The following IFT88 variants were observed in gnomAD, a reference collection of about 807,000 sequenced individuals.
IFT88 encodes the protein intraflagellar transport 88.
In IFT88, 74 loss-of-function variants were observed where a neutral mutation model predicts 119.5. The ratio of observed to expected loss-of-function variants is 0.62; its 90% CI spans 0.51 to 0.75. The LOEUF (loss-of-function observed/expected upper bound fraction) is 0.75, where lower values mean the gene tolerates loss of function less well. IFT88 is among the 30% of genes least tolerant of loss of function. IFT88 has a pLI of 0.00. For synonymous variants in IFT88, 279 were observed against 316.7 expected (o/e 0.88, Z 1.26); for missense variants, 961 against 977.7 (o/e 0.98, Z 0.23).
At chr13:20,664,947 A>G (rs189756302) in intron 23 of IFT88, among the ~76,000 whole-genome samples, 1 of 151,680 alleles carries the variant, frequency 6.6e-6, no homozygotes, top group African/African-American at 2.4e-5. Flanking sequence ...GGCGTGGTGG[A>G]GGGCACCTGT....
chr13:20,691,147 A>T lies in IFT88; in HGVS notation c.2447A>T (p.Glu816Val). 6.2e-7 allele frequency: 1 copy of T among 1,613,666 alleles called. No individual in the cohort carries two copies. ...RIDEDDFADEELGDDLLPE is the reference protein window; with the variant it reads ...RIDEDDFADEVLGDDLLPE The stretch of plus-strand genomic sequence containing the variant: ...GATGAGGATGATTTTGCTGATGAAG[A>T]ATTAGGAGATGATTTGCTTCCAGAA... The change falls in exon 26 of 26, where the codon GAA becomes GTA. Residue 816 changes from glutamate to valine, a missense_variant. Coordinates refer to ENST00000351808, the MANE Select transcript of IFT88 (RefSeq NM_006531.5).
intron 24 of IFT88, among the ~76,000 whole-genome samples, chr13:20,687,350 G>A (rs1239929181): frequency 6.6e-6 from 1 of 152,168 alleles, no homozygotes; most frequent in African/African-American, 2.4e-5. Flanking sequence ...AAACTGCTGA[G>A]CTTGGAATAG....
chr13:20,640,571 AAAATAAATAAATAAATAAATAAAT>A (rs57789982), intron 17 of IFT88, among the ~76,000 whole-genome samples: 2 of 144,242 alleles, frequency 1.4e-5, no homozygotes, highest in Admixed American at 1.4e-4. Context: ...ACTCCGTCTC[AAAATAAATAAATAAATAAATAAAT>A]AAATAAATAA....
chr13:20,568,866 G>A (rs1043751959), intron 1 of IFT88, among the ~76,000 whole-genome samples: 4 of 151,914 alleles, frequency 2.6e-5, no homozygotes, highest in African/African-American at 9.7e-5. Context: ...GACTACAGGC[G>A]CCCGCCACCA....
intron 24 of IFT88, among the ~76,000 whole-genome samples, chr13:20,679,145 C>CA (rs961698673): frequency 6.6e-6 from 1 of 152,180 alleles, no homozygotes; most frequent in African/African-American, 2.4e-5. Context: ...AGGAGTAATG[C>CA]AAAAATCAGA....
intron 23 of IFT88, 56 bp from the exon 24 acceptor site, chr13:20,670,917 T>G (rs1018743709): frequency 1.4e-6 from 2 of 1,477,572 alleles, no homozygotes. Flanking sequence ...TTTATCTATA[T>G]TCAACTTTGA....
intron 14 of IFT88, among the ~76,000 whole-genome samples, chr13:20,622,134 A>T (rs901511197): frequency 6.6e-6 from 1 of 152,164 alleles, no homozygotes; most frequent in African/African-American, 2.4e-5. Context: ...GAGCATCCCA[A>T]ATCCAGAGTC....
At chr13:20,613,315 G>GC (rs1176908338) in intron 13 of IFT88, among the ~76,000 whole-genome samples, 1 of 152,118 alleles carries the variant, frequency 6.6e-6, no homozygotes, top group Non-Finnish European at 1.5e-5. Context: ...ATACACAGAT[G>GC]CCCAATACAC....
intron 14 of IFT88, 22 bp downstream of exon 14, chr13:20,615,901 A>G (rs775073507): frequency 5.8e-6 from 8 of 1,376,898 alleles, no homozygotes; most frequent in Non-Finnish European, 8.1e-6. Flanking sequence ...AGTCTATAAT[A>G]CTGCATAGAT....
chr13:20,615,915 G>T lies in IFT88; in HGVS notation c.1199+36G>T, dbSNP rs750925953. 84 of 1,185,552 alleles carry T rather than the reference G, an allele frequency of 7.1e-5. 1 individual carries two copies. The East Asian group carries it at 1.0e-3, about 15-fold the overall frequency. 73.4% of individuals were successfully genotyped at this position (1,185,552 alleles called of 1,614,324 possible). On this transcript the variant is annotated intron_variant, in intron 14 of 25. Coordinates refer to ENST00000351808, the MANE Select transcript of IFT88 (RefSeq NM_006531.5). The stretch of plus-strand genomic sequence containing the variant: ...AAGTCTATAATACTGCATAGATGTG[G>T]TTTTTTTCATAATTTATACTTTTAA...
intron 14 of IFT88, among the ~76,000 whole-genome samples, chr13:20,618,085 A>G (rs1476621321): frequency 6.6e-6 from 1 of 151,866 alleles, no homozygotes; most frequent in African/African-American, 2.4e-5. Flanking sequence ...AAGCCCAGCT[A>G]ATTTTTTTGT....
chr13:20,630,519 A>G (rs1030592229), intron 15 of IFT88, among the ~76,000 whole-genome samples: 1 of 152,152 alleles, frequency 6.6e-6, no homozygotes, highest in Admixed American at 6.6e-5. Flanking sequence ...ATGCAGAATA[A>G]ACACTCAGCT....
intron 22 of IFT88, among the ~76,000 whole-genome samples, chr13:20,657,195 T>C (rs1594708380): frequency 6.6e-6 from 1 of 152,246 alleles, no homozygotes. Context: ...TAAAACATTA[T>C]GTTAATATGC....
intron 24 of IFT88, among the ~76,000 whole-genome samples, chr13:20,675,203 C>G (rs1480346353): frequency 6.6e-6 from 1 of 152,004 alleles, no homozygotes; most frequent in African/African-American, 2.4e-5. Flanking sequence ...CAGGCCGACA[C>G]AAGTCAGCCA....
intron 12 of IFT88, among the ~76,000 whole-genome samples, chr13:20,603,462 C>T (rs1407146579): frequency 6.6e-6 from 1 of 151,882 alleles, no homozygotes; most frequent in Non-Finnish European, 1.5e-5. Context: ...TGCCTTGGCT[C>T]TCCTACTCAG....
At chr13:20,656,030 C>T (rs67852946) in intron 21 of IFT88, among the ~76,000 whole-genome samples, 31,912 of 147,908 alleles carry the variant, frequency 0.22, 3,889 homozygotes, top group African/African-American at 0.32. Context: ...ATTGTTTCAG[C>T]TCAGGAGTTT....
Position 20,641,363 on chromosome 13 carries a change from A to T in IFT88, c.1647A>T (p.Arg549=), listed in dbSNP as rs2031102474. 6.2e-7 allele frequency: 1 copy of T among 1,612,270 alleles called. No homozygotes were observed. ...TCCTGAAACTTCACGCAATCCTACG[A>T]AACAGTGCCGAAGTTCTTTACCAGA... ...DCFLKLHAIL[R]NSAEVLYQIA... The change falls in exon 18 of 26, where the codon CGA becomes CGT. Residue 549 remains arginine (R), a synonymous_variant. Coordinates refer to ENST00000351808, the MANE Select transcript of IFT88 (RefSeq NM_006531.5).
chr13:20,571,463 C>CTT (rs67923003), intron 1 of IFT88, among the ~76,000 whole-genome samples: 33,425 of 152,032 alleles, frequency 0.22, 4,311 homozygotes, highest in Admixed American at 0.35. Context: ...AAAATATTGA[C>CTT]TTGATTTGAA....
At chr13:20,611,261 C>T (rs1255523901) in intron 13 of IFT88, among the ~76,000 whole-genome samples, 2 of 151,270 alleles carry the variant, frequency 1.3e-5, no homozygotes, top group African/African-American at 4.9e-5. Context: ...AGGAAGTTCC[C>T]CAATTTGATA....
Sources: gnomAD v4.1 joint callset for allele counts (sites outside exome capture counted in the v4.1 genomes callset) on GRCh38, gnomAD v4.1.1 for gene constraint, MANE v1.5 for transcripts, NCBI Gene and HGNC (gene_info 2026-07-23, HGNC 2026-07-21) for gene names.